Variants in SQOR observed in about 807,000 individuals in gnomAD.
SQOR encodes sulfide:quinone oxidoreductase, mitochondrial.
A neutral mutation model predicts 48.6 loss-of-function variants in SQOR; 39 were observed. The observed-to-expected ratio is 0.80, with a 90% CI of 0.62 to 1.05. The LOEUF is 1.05. Among genes scored for constraint, SQOR ranks in the 50% least tolerant of loss-of-function variants. The probability of loss-of-function intolerance (pLI) is 0.00; values close to 1 mark genes in which losing one functional copy is unlikely to be tolerated. For missense variants in SQOR, 561 were observed against 559.9 expected (o/e 1.00, Z -0.02); for synonymous variants, 220 against 206.2 (o/e 1.07, Z -0.57).
chr15:45,650,097 C>G (rs2140941988), intron 1 of SQOR, among the ~76,000 whole-genome samples: 1 of 152,176 alleles, frequency 6.6e-6, no homozygotes, highest in South Asian at 2.1e-4. Flanking sequence ...TCTGCCTCAG[C>G]CTCCCAAAGT....
chr15:45,644,180 C>G (rs1443717462), intron 1 of SQOR, among the ~76,000 whole-genome samples: 1 of 152,044 alleles, frequency 6.6e-6, no homozygotes, highest in African/African-American at 2.4e-5. Flanking sequence ...CTCTGCCTCC[C>G]AGGTTCAAGC....
Position 45,659,074 on chromosome 15 carries a change from G to C in SQOR, c.151G>C (p.Gly51Arg), listed in dbSNP as rs370293201. The change falls in exon 2 of 10, where the codon GGG (glycine) becomes CGG (arginine). Residue 51 changes from glycine to arginine, a missense_variant. Coordinates refer to ENST00000260324, the MANE Select transcript of SQOR (RefSeq NM_021199.4). The stretch of plus-strand genomic sequence containing the variant: ...CCATTATGAGGTGCTGGTGCTGGGT[G>C]GGGGCAGTGGCGGAATCACCATGGC... ...RNHYEVLVLG[G>R]GSGGITMAAR... The C allele has an allele frequency of 6.3e-7, 1 of 1,594,576 alleles. No individual in the cohort carries two copies. The highest frequency in any genetic ancestry group is 1.3e-5 in the African/African-American group (1 of 74,806).
intron 1 of SQOR, among the ~76,000 whole-genome samples, chr15:45,636,309 T>C (rs1371163621): frequency 6.6e-6 from 1 of 152,024 alleles, no homozygotes; most frequent in Non-Finnish European, 1.5e-5. Context: ...GTGGATTAAA[T>C]AGTTACCATA....
chr15:45,633,554 G>C (rs2140933408), upstream of SQOR, among the ~76,000 whole-genome samples: 1 of 151,900 alleles, frequency 6.6e-6, no homozygotes, highest in South Asian at 2.1e-4. Context: ...ATTAGCCATG[G>C]GTGGTGGTGG....
intron 4 of SQOR, among the ~76,000 whole-genome samples, chr15:45,671,567 G>A (rs1417082330): frequency 6.6e-6 from 1 of 152,216 alleles, no homozygotes; most frequent in East Asian, 1.9e-4. Flanking sequence ...TGGTCACTGT[G>A]CTACTTGGGA....
At chr15:45,677,718 T>G (rs976105257) in intron 6 of SQOR, among the ~76,000 whole-genome samples, 2 of 152,224 alleles carry the variant, frequency 1.3e-5, no homozygotes, top group East Asian at 3.8e-4. Flanking sequence ...TATTTATTTT[T>G]GAGACGAAGT....
In SQOR at chr15:45,659,108, T is replaced by G; in HGVS notation, c.185T>G (p.Met62Arg). 1 of 1,579,794 alleles carries G rather than the reference T, an allele frequency of 6.3e-7. No individual in the cohort carries two copies. The highest frequency in any genetic ancestry group is 8.6e-7 in the Non-Finnish European group (1 of 1,161,588). ...GGCGGAATCACCATGGCTGCCCGCA[T>G]GAAGAGGAAAGTGGGTGCAGAGAAT... ...GSGGITMAAR[M>R]KRKVGAENVA... Residue 62 changes from methionine to arginine, a missense_variant, in exon 2 of 10, where the codon ATG becomes AGG. Coordinates refer to ENST00000260324, the MANE Select transcript of SQOR (RefSeq NM_021199.4).
intron 1 of SQOR, among the ~76,000 whole-genome samples, chr15:45,645,331 G>C (rs1232502312): frequency 2.0e-5 from 3 of 152,178 alleles, no homozygotes; most frequent in African/African-American, 7.2e-5. Context: ...CGCCTTCTTA[G>C]AGTTTAAGTC....
intron 1 of SQOR, among the ~76,000 whole-genome samples, chr15:45,643,199 T>A (rs1264633252): frequency 6.6e-6 from 1 of 152,170 alleles, no homozygotes; most frequent in East Asian, 1.9e-4. Context: ...TGTGGACACA[T>A]TCTTTTTTCT....
At chr15:45,652,913 C>T (rs183276052) in intron 1 of SQOR, among the ~76,000 whole-genome samples, 11 of 151,180 alleles carry the variant, frequency 7.3e-5, no homozygotes, top group Admixed American at 2.0e-4. Context: ...GTGGAGGTTG[C>T]AGTGAGTCGA....
At chr15:45,665,485 C>T (rs1889796854) in intron 3 of SQOR, among the ~76,000 whole-genome samples, 1 of 152,074 alleles carries the variant, frequency 6.6e-6, no homozygotes, top group South Asian at 2.1e-4. Flanking sequence ...AAAGTTTTAA[C>T]TCTGTAACAT....
chr15:45,677,998 C>A (rs1230525536), intron 6 of SQOR, among the ~76,000 whole-genome samples: 1 of 149,326 alleles, frequency 6.7e-6, no homozygotes, highest in Admixed American at 6.7e-5. Context: ...TGAGCCATCG[C>A]ACCTGGCCTC....
intron 3 of SQOR, among the ~76,000 whole-genome samples, chr15:45,662,816 G>A (rs921998385): frequency 1.3e-5 from 2 of 152,170 alleles, no homozygotes; most frequent in Non-Finnish European, 2.9e-5. Context: ...CAGGGCAGGG[G>A]CAGGCAGTGC....
chr15:45,661,887 A>G, intron 2 of SQOR, 68 bp from the exon 3 acceptor site: 5 of 1,491,752 alleles, frequency 3.4e-6, no homozygotes, highest in Non-Finnish European at 4.5e-6. Context: ...TCTAGCCCAT[A>G]CTGTTAGCTA....
chr15:45,677,804 G>A (rs1457268605), intron 6 of SQOR, among the ~76,000 whole-genome samples: 3 of 152,208 alleles, frequency 2.0e-5, no homozygotes, highest in Admixed American at 1.3e-4. Flanking sequence ...AGGTTCAAGC[G>A]ATTCTCTTGC....
At chr15:45,635,727 G>A in intron 1 of SQOR, among the ~76,000 whole-genome samples, 1 of 152,186 alleles carries the variant, frequency 6.6e-6, no homozygotes, top group Middle Eastern at 3.2e-3. Flanking sequence ...CAAAGACGCT[G>A]AACAGAGCCC....
intron 1 of SQOR, among the ~76,000 whole-genome samples, chr15:45,652,218 A>G (rs1889506680): frequency 6.6e-6 from 1 of 152,140 alleles, no homozygotes; most frequent in East Asian, 1.9e-4. Flanking sequence ...GTTTCAGGCT[A>G]TCTTCTGAGG....
intron 6 of SQOR, among the ~76,000 whole-genome samples, chr15:45,682,004 G>A (rs1291853916): frequency 6.6e-6 from 1 of 152,162 alleles, no homozygotes. Context: ...TGGGAATGAT[G>A]CTTTCTTACC....
At chr15:45,636,716 C>T (rs1895013368) in intron 1 of SQOR, among the ~76,000 whole-genome samples, 1 of 152,026 alleles carries the variant, frequency 6.6e-6, no homozygotes, top group Admixed American at 6.6e-5. Flanking sequence ...TCTGTGATTT[C>T]TATTGGTGAC....
Sources: allele counts gnomAD v4.1 joint callset (sites outside exome capture counted in the v4.1 genomes callset), GRCh38; gene constraint gnomAD v4.1.1; transcripts MANE v1.5; gene names NCBI Gene and HGNC (gene_info 2026-07-23, HGNC 2026-07-21).